The following UTRN variants were observed in gnomAD, a reference collection of about 807,000 sequenced individuals.
UTRN encodes the protein dystrophin-related protein 1.
Under a neutral mutation model 463.9 loss-of-function variants are expected in UTRN, and 283 were observed. The ratio of observed to expected loss-of-function variants is 0.61; its 90% CI spans 0.55 to 0.67. The LOEUF is 0.67. UTRN is among the 30% of genes least tolerant of loss of function. UTRN has a pLI of 0.00. For synonymous variants in UTRN, 1,442 were observed against 1,431.5 expected (o/e 1.01, Z -0.17); for missense variants, 3,922 against 4,084.3 (o/e 0.96, Z 1.08).
intron 2 of UTRN, among the ~76,000 whole-genome samples, chr6:144,303,857 A>G (rs75804004): frequency 6.6e-6 from 1 of 152,194 alleles, no homozygotes; most frequent in Non-Finnish European, 1.5e-5. Flanking sequence ...TTAATTAAAG[A>G]GTAGTCTAAT....
intron 2 of UTRN, among the ~76,000 whole-genome samples, chr6:144,362,259 T>C (rs1167134400): frequency 1.3e-5 from 2 of 152,094 alleles, no homozygotes; most frequent in South Asian, 4.1e-4. Context: ...TGAGGGAGGA[T>C]AGGTGATGTG....
At chr6:144,306,235 C>T (rs1457514420) in intron 2 of UTRN, among the ~76,000 whole-genome samples, 1 of 152,160 alleles carries the variant, frequency 6.6e-6, no homozygotes, top group East Asian at 1.9e-4. Context: ...CTGATCTGAT[C>T]AGATTTGCTC....
chr6:144,436,943 T>C (rs1340568297), intron 10 of UTRN, among the ~76,000 whole-genome samples: 1 of 146,330 alleles, frequency 6.8e-6, no homozygotes, highest in African/African-American at 2.5e-5. Flanking sequence ...TGTGTGTGTA[T>C]ATATATATAT....
intron 46 of UTRN, among the ~76,000 whole-genome samples, chr6:144,543,325 G>C (rs750823683): frequency 2.0e-5 from 3 of 152,208 alleles, no homozygotes; most frequent in African/African-American, 7.2e-5. Context: ...TGGATATTTA[G>C]AAGCATTCTC....
At chr6:144,387,786 G>A (rs1781543879) in intron 2 of UTRN, among the ~76,000 whole-genome samples, 1 of 152,178 alleles carries the variant, frequency 6.6e-6, no homozygotes, top group African/African-American at 2.4e-5. Context: ...GGATTTGGGA[G>A]CTTTTTTTGT....
intron 65 of UTRN, among the ~76,000 whole-genome samples, chr6:144,806,398 C>G (rs17074234): frequency 0.036 from 5,450 of 152,246 alleles, 145 homozygotes; most frequent in South Asian, 0.084. Context: ...ATTTCTGAGG[C>G]TTTGTAGTGA....
intron 53 of UTRN, among the ~76,000 whole-genome samples, chr6:144,701,277 T>G (rs1784564754): frequency 6.6e-6 from 1 of 151,480 alleles, no homozygotes; most frequent in African/African-American, 2.4e-5. Context: ...TTACAAACTA[T>G]CTTGTTTGTG....
chr6:144,417,367 CCTGGTT>C (rs1447928220), intron 3 of UTRN, among the ~76,000 whole-genome samples: 2 of 152,148 alleles, frequency 1.3e-5, no homozygotes, highest in Non-Finnish European at 2.9e-5. Context: ...GGTATCAGAT[CCTGGTT>C]CTGCCTCTCA....
chr6:144,550,454 G>A (rs1798803801), intron 47 of UTRN, among the ~76,000 whole-genome samples: 1 of 152,164 alleles, frequency 6.6e-6, no homozygotes, highest in Non-Finnish European at 1.5e-5. Context: ...AGCACTGAGA[G>A]ACAAACCATC....
At position 144,462,654 on chromosome 6, in the gene UTRN, A is replaced by T; in HGVS notation, c.2854A>T (p.Thr952Ser). The T allele has an allele frequency of 6.3e-7, 1 of 1,596,504 alleles. No individual in the cohort carries two copies. Among genetic ancestry groups the T allele is most frequent in the East Asian group, 2.2e-5 (1 of 44,686 alleles). The change falls in exon 23 of 75, where the codon ACC (threonine) becomes TCC (serine). Residue 952 changes from threonine to serine, a missense_variant and splice_region_variant. Around this residue, in one of 3 missense-constraint regions of UTRN, gnomAD observed 2,349 missense variants for 2,303.8 expected, o/e 1.02. Coordinates refer to ENST00000367545, the MANE Select transcript of UTRN (RefSeq NM_007124.3). The stretch of plus-strand genomic sequence containing the variant: ...TTTAATCTTTTAAAACTTTTTCCAG[A>T]CCCTTGATGAAATCCTTGAGAATCA... ...KVEKALQEKK[T>S]LDEILENQKP...
At chr6:144,662,007 C>CTATG (rs1779918413) in intron 51 of UTRN, among the ~76,000 whole-genome samples, 2 of 150,486 alleles carry the variant, frequency 1.3e-5, no homozygotes, top group South Asian at 4.2e-4. Context: ...TTATTATTAT[C>CTATG]TATTTATTTA....
At chr6:144,661,426 C>T (rs1779852171) in intron 51 of UTRN, among the ~76,000 whole-genome samples, 2 of 152,286 alleles carry the variant, frequency 1.3e-5, no homozygotes, top group South Asian at 4.1e-4. Context: ...CTCTCTGCAC[C>T]TCTACTGTAA....
At chr6:144,694,821 AT>A (rs952407856) in intron 52 of UTRN, among the ~76,000 whole-genome samples, 2 of 146,530 alleles carry the variant, frequency 1.4e-5, no homozygotes, top group Non-Finnish European at 3.0e-5. Flanking sequence ...ATTTTATTTC[AT>A]TTTTTTTCAA....
chr6:144,359,812 C>T (rs1280348701), intron 2 of UTRN, among the ~76,000 whole-genome samples: 3 of 150,358 alleles, frequency 2.0e-5, no homozygotes, highest in African/African-American at 4.9e-5. Flanking sequence ...TACATTTCAT[C>T]GCTTGATGTT....
intron 51 of UTRN, among the ~76,000 whole-genome samples, chr6:144,585,383 AAT>A (rs1351367882): frequency 1.3e-5 from 2 of 152,272 alleles, no homozygotes; most frequent in East Asian, 3.9e-4. Context: ...TGATTAACGC[AAT>A]GAGAAATGTA....
chr6:144,349,139 G>T (rs1423034925), intron 2 of UTRN, among the ~76,000 whole-genome samples: 1 of 152,126 alleles, frequency 6.6e-6, no homozygotes, highest in East Asian at 1.9e-4. Flanking sequence ...CTTCCGAGTA[G>T]CTGGGACTAC....
intron 55 of UTRN, among the ~76,000 whole-genome samples, chr6:144,749,461 T>C (rs1368136665): frequency 6.6e-6 from 1 of 152,164 alleles, no homozygotes; most frequent in Non-Finnish European, 1.5e-5. Flanking sequence ...AGTTAGCACC[T>C]TTGATACTAG....
chr6:144,713,658 T>G (rs1436004697), intron 53 of UTRN, among the ~76,000 whole-genome samples: 2 of 150,562 alleles, frequency 1.3e-5, no homozygotes, highest in African/African-American at 4.9e-5. Context: ...CAGTGGCTCA[T>G]GCCTGTAATC....
chr6:144,662,691 C>G (rs1049608677), intron 51 of UTRN, among the ~76,000 whole-genome samples: 2 of 152,270 alleles, frequency 1.3e-5, no homozygotes, highest in South Asian at 4.1e-4. Flanking sequence ...AATCCTGATA[C>G]GCTTAGTAGT....
Sources: gnomAD v4.1 joint callset for allele counts (sites outside exome capture counted in the v4.1 genomes callset) on GRCh38, gnomAD v4.1.1 for gene constraint, gnomAD v4.1.1 regional missense constraint, MANE v1.5 for transcripts, NCBI Gene and HGNC (gene_info 2026-07-23, HGNC 2026-07-21) for gene names.